The following TNC variants were observed in gnomAD, a reference collection of about 807,000 sequenced individuals.
TNC encodes the protein tenascin.
Under a neutral mutation model 202.4 loss-of-function variants are expected in TNC, and 109 were observed. The ratio of observed to expected loss-of-function variants is 0.54; its 90% CI spans 0.46 to 0.63. The LOEUF (loss-of-function observed/expected upper bound fraction) is 0.63. Among genes scored for constraint, TNC ranks in the 30% least tolerant of loss-of-function variants. The pLI is 0.00. For synonymous variants in TNC, 1,007 were observed against 1,089.7 expected, an observed-to-expected ratio of 0.92 and a Z score of 1.50; for missense variants, 2,756 against 2,833.3, an observed-to-expected ratio of 0.97 and a Z score of 0.62.
chr9:115,093,620 CT>C (rs71375270), intron 1 of TNC, among the ~76,000 whole-genome samples: 1,720 of 133,130 alleles, frequency 0.013, 10 homozygotes, highest in South Asian at 0.023. Flanking sequence ...CAATTCTTAG[CT>C]TTTTTTTTTT....
chr9:115,073,864 A>G lies in TNC; in HGVS notation c.2953T>C (p.Leu985=). 11 of 1,608,422 alleles carry G rather than the reference A, an allele frequency of 6.8e-6. No individual in the cohort carries two copies. Among genetic ancestry groups the G allele is most frequent in the South Asian group, 1.1e-5 (1 of 91,042 alleles). ...ACCTGAAGGTCCTTGGGCGTGTCCA[A>G]CTCTGGGAGGAGAACAGAGAGATGA... ...NPATINAATE[L]DTPKDLQVSE... The change falls in exon 10 of 28, where the codon TTG becomes CTG. Residue 985 remains leucine (L), a splice_region_variant and synonymous_variant. Transcript: ENST00000350763.
At chr9:115,047,057 G>A (rs958466178) in intron 16 of TNC, among the ~76,000 whole-genome samples, 7 of 152,066 alleles carry the variant, frequency 4.6e-5, no homozygotes, top group African/African-American at 1.7e-4. Flanking sequence ...CCCATCCCCT[G>A]CAAGACCTTT....
chr9:115,061,370 G>A (rs918252373), intron 13 of TNC, among the ~76,000 whole-genome samples: 13 of 152,180 alleles, frequency 8.5e-5, no homozygotes, highest in African/African-American at 2.9e-4. Context: ...GGCACACCAA[G>A]AACAGCTGTT....
chr9:115,104,281 G>A (rs1653927591), intron 1 of TNC, among the ~76,000 whole-genome samples: 1 of 152,156 alleles, frequency 6.6e-6, no homozygotes, highest in South Asian at 2.1e-4. Flanking sequence ...CTTGAGCCAA[G>A]GTTAAGAAAT....
At chr9:115,047,120 G>A (rs1298835778) in intron 16 of TNC, among the ~76,000 whole-genome samples, 1 of 151,982 alleles carries the variant, frequency 6.6e-6, no homozygotes, top group East Asian at 1.9e-4. Flanking sequence ...CTGTAGAGCT[G>A]CTCATGATGA....
intron 25 of TNC, among the ~76,000 whole-genome samples, chr9:115,028,938 A>G (rs1829723015): frequency 2.9e-5 from 1 of 34,484 alleles, no homozygotes; most frequent in Non-Finnish European, 6.2e-5. Flanking sequence ...AAAAAAAAAA[A>G]AAAAAAAAAA....
Position 115,026,617 on chromosome 9 carries a change from G to A in TNC, c.6248C>T (p.Ala2083Val), listed in dbSNP as rs1000117997. ...RVDLRDHGET[A>V]FAVYDKFSVG... ...GCTGAACTTGTCATAGACAGCAAAG[G>A]CTGTCTCCCCATGGTCCCGCAGGTC... is the stretch of plus-strand genomic sequence containing the variant. The change falls in exon 26 of 28, where the codon GCC becomes GTC. Residue 2083 changes from alanine to valine, a missense_variant. By Grantham distance (64) the Ala-to-Val change is moderately conservative. This residue lies in a region of TNC where 197 missense variants were observed against 287.3 expected (regional missense o/e 0.69). Transcript: ENST00000350763. 10 of 1,613,814 alleles carry A rather than the reference G, an allele frequency of 6.2e-6. No individual in the cohort carries two copies. The highest frequency in any genetic ancestry group is 2.2e-5 in the East Asian group (1 of 44,840).
At position 115,076,450 on chromosome 9, in the gene TNC, C is replaced by G; in HGVS notation, c.2800G>C (p.Asp934His). ...TTTGGAACATCAACCTCAGCGTGGT[C>G]CCCTCCAGAGATGGGGGCATACTTA... ...RIKYAPISGG[D>H]HAEVDVPKSQ... The change falls in exon 8 of 28, where the codon GAC becomes CAC. Residue 934 changes from aspartate to histidine, a missense_variant. By Grantham distance (81) the Asp-to-His change is moderately conservative (BLOSUM62 -1). Around this residue, in one of 2 missense-constraint regions of TNC, gnomAD observed 2,559 missense variants for 2,546.0 expected, o/e 1.01. Transcript: ENST00000350763. 6.2e-7 allele frequency: 1 copy of G among 1,614,116 alleles called. No homozygotes were observed. Among genetic ancestry groups the G allele is most frequent in the African/African-American group, 1.3e-5 (1 of 75,012 alleles).
chr9:115,048,145 T>C, intron 16 of TNC, 115 bp downstream of exon 16: 1 of 1,318,648 alleles, frequency 7.6e-7, no homozygotes, highest in South Asian at 1.4e-5. Flanking sequence ...TAGACTACAT[T>C]TATGGATTAA....
At chr9:115,081,625 T>C in intron 6 of TNC, 147 bp downstream of exon 6, 2 of 917,960 alleles carry the variant, frequency 2.2e-6, no homozygotes, top group African/African-American at 1.7e-5. Context: ...AAAGAATTGT[T>C]ATTTTAAACC....
At chr9:115,098,932 G>C (rs1001054307) in intron 1 of TNC, among the ~76,000 whole-genome samples, 3 of 82,092 alleles carry the variant, frequency 3.7e-5, no homozygotes, top group Non-Finnish European at 6.9e-5. Flanking sequence ...ACAGCCTTAA[G>C]TGTGTATTTT....
chr9:115,074,369 C>T (rs978588534), intron 9 of TNC, among the ~76,000 whole-genome samples: 3 of 152,140 alleles, frequency 2.0e-5, no homozygotes, highest in South Asian at 2.1e-4. Context: ...TAAAAGAGAC[C>T]TTGCCCCTTC....
rs773493791 is a variant in TNC at position 115,021,137 on chromosome 9, C to T, written c.*20G>A. On this transcript the variant is annotated 3_prime_UTR_variant, in exon 28 of 28. Transcript: ENST00000350763. Reference sequence around the variant, plus strand: ...CTCGCTCTGGGCCTTATTCCTCTCTCACCCAGTGGTCCCTGGAATTTATGC... The same window carrying T: ...CTCGCTCTGGGCCTTATTCCTCTCTTACCCAGTGGTCCCTGGAATTTATGC... The T allele has an allele frequency of 1.3e-6, 2 of 1,589,632 alleles. No individual in the cohort carries two copies. The highest frequency in any genetic ancestry group is 1.1e-5 in the South Asian group (1 of 90,458).
At chr9:115,093,157 G>A (rs1835361721) in intron 1 of TNC, among the ~76,000 whole-genome samples, 2 of 152,040 alleles carry the variant, frequency 1.3e-5, no homozygotes, top group African/African-American at 2.4e-5. Flanking sequence ...AATTGAACTG[G>A]GAAGCATTCT....
chr9:115,084,128 T>C (rs1449781788), intron 4 of TNC, 81 bp downstream of exon 4: 117 of 1,452,906 alleles, frequency 8.1e-5, no homozygotes, highest in Non-Finnish European at 1.0e-4. Flanking sequence ...TATAGGATTG[T>C]AGGGGCCGTG....
chr9:115,049,485 G>T (rs1208826624), intron 15 of TNC, among the ~76,000 whole-genome samples: 3 of 152,198 alleles, frequency 2.0e-5, no homozygotes, highest in Middle Eastern at 3.4e-3. Context: ...TCATACATCT[G>T]CTAGGTGCCT....
intron 2 of TNC, among the ~76,000 whole-genome samples, chr9:115,088,941 A>C (rs1835005112): frequency 6.6e-6 from 1 of 152,200 alleles, no homozygotes; most frequent in Admixed American, 6.5e-5. Flanking sequence ...GAATTAAATA[A>C]GAGATGACTA....
Position 115,029,419 on chromosome 9 carries a change from T to A in TNC, c.6110A>T (p.Tyr2037Phe). Residue 2037 changes from tyrosine (Y) to phenylalanine (F), a missense_variant, in exon 25 of 28, where the codon TAC becomes TTC. Physicochemically the swap from Tyr to Phe is conservative, Grantham distance 22 (BLOSUM62 3). Transcript: ENST00000350763. ...AGCAGCATATGCCTTCCAGTTTTGGTAGAAGTTCTCGCGTCCGTTTTTGCG... is the reference window on the plus strand; with the variant it reads ...AGCAGCATATGCCTTCCAGTTTTGGAAGAAGTTCTCGCGTCCGTTTTTGCG... ...LRRKNGRENF[Y>F]QNWKAYAAGF... 1.2e-6 allele frequency: 2 copies of A among 1,614,136 alleles called. No homozygotes were observed. The highest frequency in any genetic ancestry group is 8.5e-7 in the Non-Finnish European group (1 of 1,180,020).
chr9:115,067,843 T>A (rs1285251800), intron 10 of TNC, among the ~76,000 whole-genome samples: 1 of 152,184 alleles, frequency 6.6e-6, no homozygotes, highest in Non-Finnish European at 1.5e-5. Context: ...CTATTTTTTT[T>A]TTTTGGTAGG....
Sources: allele counts gnomAD v4.1 joint callset (sites outside exome capture counted in the v4.1 genomes callset), GRCh38; gene constraint gnomAD v4.1.1; regional missense constraint gnomAD v4.1.1; transcripts MANE v1.5; gene names NCBI Gene and HGNC (gene_info 2026-07-23, HGNC 2026-07-21).